LRRTM4: variants seen among roughly 807,000 people sequenced by gnomAD.
LRRTM4 encodes the protein leucine rich repeat transmembrane neuronal 4.
Under a neutral mutation model 47.6 loss-of-function variants are expected in LRRTM4, and 25 were observed. The observed-to-expected ratio is 0.53, with a 90% CI of 0.38 to 0.73. The LOEUF (loss-of-function observed/expected upper bound fraction) is 0.73, where lower values mean the gene tolerates loss of function less well. LRRTM4 is among the 30% of genes least tolerant of loss of function. LRRTM4 has a pLI of 0.00. For synonymous variants in LRRTM4, 311 were observed against 269.5 expected, an observed-to-expected ratio of 1.15 and a Z score of -1.51; for missense variants, 638 against 713.4, an observed-to-expected ratio of 0.89 and a Z score of 1.20.
chr2:77,434,265 C>T (rs1465915240), intron 3 of LRRTM4, among the ~76,000 whole-genome samples: 2 of 151,522 alleles, frequency 1.3e-5, no homozygotes, highest in Admixed American at 6.6e-5. Flanking sequence ...AAAAGTTTTC[C>T]ACATGTCAGA....
chr2:77,182,752 T>G (rs1308704976), intron 3 of LRRTM4, among the ~76,000 whole-genome samples: 1 of 152,090 alleles, frequency 6.6e-6, no homozygotes, highest in African/African-American at 2.4e-5. Flanking sequence ...CTTGCGCCAG[T>G]TTTCAAAGGG....
chr2:77,320,991 A>T (rs532399935), intron 3 of LRRTM4, among the ~76,000 whole-genome samples: 46 of 152,256 alleles, frequency 3.0e-4, no homozygotes, highest in African/African-American at 1.1e-3. Context: ...GCAAGTACAC[A>T]TGTTAATAAG....
At chr2:76,758,920 A>C (rs1179779855) in intron 3 of LRRTM4, among the ~76,000 whole-genome samples, 1 of 152,216 alleles carries the variant, frequency 6.6e-6, no homozygotes, top group African/African-American at 2.4e-5. Flanking sequence ...ATCATGAGAG[A>C]ATAGGCTTGA....
intron 3 of LRRTM4, among the ~76,000 whole-genome samples, chr2:76,942,178 G>GT (rs1675167808): frequency 6.6e-6 from 1 of 151,664 alleles, no homozygotes; most frequent in Admixed American, 6.6e-5. Flanking sequence ...TTGTAAATTT[G>GT]TTTAAGTTCC....
chr2:76,853,767 G>A (rs78119236), intron 3 of LRRTM4, among the ~76,000 whole-genome samples: 14,893 of 152,036 alleles, frequency 0.098, 1,253 homozygotes, highest in East Asian at 0.41. Context: ...ATTTTCCAGA[G>A]GGCAAAGAAA....
chr2:76,841,665 A>G (rs1056760135), intron 3 of LRRTM4, among the ~76,000 whole-genome samples: 5 of 138,170 alleles, frequency 3.6e-5, no homozygotes, highest in South Asian at 2.2e-4. Context: ...TAACCTGGAG[A>G]AAAAAAAAAA....
At chr2:77,068,454 T>C (rs1680034507) in intron 3 of LRRTM4, among the ~76,000 whole-genome samples, 1 of 152,196 alleles carries the variant, frequency 6.6e-6, no homozygotes. Context: ...CTAGCATTCA[T>C]TTCTCATGCT....
intron 3 of LRRTM4, among the ~76,000 whole-genome samples, chr2:77,265,731 A>T (rs1227283008): frequency 6.6e-6 from 1 of 152,300 alleles, no homozygotes; most frequent in East Asian, 1.9e-4. Flanking sequence ...AATCTTGAGA[A>T]AATGCTTTTC....
intron 3 of LRRTM4, among the ~76,000 whole-genome samples, chr2:77,128,399 TA>T (rs1415778910): frequency 2.5e-5 from 3 of 119,128 alleles, no homozygotes; most frequent in Non-Finnish European, 4.8e-5. Context: ...CTGTAACAGA[TA>T]GATAGATAGA....
At chr2:76,993,090 C>A (rs781509626) in intron 3 of LRRTM4, among the ~76,000 whole-genome samples, 55 of 151,748 alleles carry the variant, frequency 3.6e-4, no homozygotes, top group Non-Finnish European at 6.2e-4. Flanking sequence ...TAAAACTGGA[C>A]CCTTACCTTT....
intron 3 of LRRTM4, among the ~76,000 whole-genome samples, chr2:77,381,780 T>C (rs1423407984): frequency 6.6e-6 from 1 of 152,042 alleles, no homozygotes; most frequent in Non-Finnish European, 1.5e-5. Flanking sequence ...ATATTTATTC[T>C]ACAGCTACAC....
chr2:77,018,266 T>C (rs1017688121), intron 3 of LRRTM4, among the ~76,000 whole-genome samples: 2 of 143,460 alleles, frequency 1.4e-5, no homozygotes, highest in Non-Finnish European at 3.0e-5. Context: ...TTGCTTTTTT[T>C]TTTTTTTTTT....
At position 77,116,821 on chromosome 2, in the gene LRRTM4, T is replaced by C. The variant is rs79461399; in HGVS notation, c.1552-367905A>G. ...AATCAATATTTTTACATATATAATT[T>C]GTCCATTTCAAGTAAGAAGTGTACA... On this transcript the variant is annotated intron_variant, in intron 3 of 3. Coordinates refer to ENST00000409884, the MANE Select transcript of LRRTM4 (RefSeq NM_001134745.3). Among the ~76,000 whole-genome samples, 211 of 152,282 alleles carry C rather than the reference T, an allele frequency of 1.4e-3. 1 individual carries two copies. Among genetic ancestry groups the C allele is most frequent in the African/African-American group, 4.9e-3 (203 of 41,568 alleles).
chr2:76,912,656 T>C (rs996868842), intron 3 of LRRTM4, among the ~76,000 whole-genome samples: 2 of 152,220 alleles, frequency 1.3e-5, no homozygotes, highest in African/African-American at 2.4e-5. Context: ...TCATGAAGAA[T>C]TGTAATCCCC....
rs1354572502 is a variant in LRRTM4 at position 76,905,108 on chromosome 2, G to GGTA, written c.1552-156193_1552-156192insTAC. 2.0e-5 allele frequency among the ~76,000 whole-genome samples: 3 copies of GGTA among 152,122 alleles called. No homozygotes were observed. The East Asian group carries it at 5.8e-4, about 29-fold the overall frequency. On this transcript the variant is annotated intron_variant, in intron 3 of 3. Transcript: ENST00000409884. ...AACTAGGAGGCACCCCCCAGTAGGG[G>GGTA]CAGACTGACACCTCACATGGCCGGG...
intron 3 of LRRTM4, among the ~76,000 whole-genome samples, chr2:76,943,346 G>C (rs1675215684): frequency 6.6e-6 from 1 of 152,180 alleles, no homozygotes; most frequent in South Asian, 2.1e-4. Flanking sequence ...TGAGGCAGGA[G>C]AATAGCGTGA....
At chr2:76,864,682 T>C (rs1573228517) in intron 3 of LRRTM4, among the ~76,000 whole-genome samples, 1 of 149,014 alleles carries the variant, frequency 6.7e-6, no homozygotes, top group Admixed American at 6.7e-5. Context: ...AAAAATGAAG[T>C]GATCTTAGCA....
At chr2:76,974,713 TC>T (rs1270751834) in intron 3 of LRRTM4, among the ~76,000 whole-genome samples, 2 of 151,702 alleles carry the variant, frequency 1.3e-5, no homozygotes, top group Non-Finnish European at 3.0e-5. Context: ...GAGAATTAAT[TC>T]AAATAAATAT....
At chr2:76,912,273 C>T (rs1573303271) in intron 3 of LRRTM4, among the ~76,000 whole-genome samples, 1 of 152,152 alleles carries the variant, frequency 6.6e-6, no homozygotes, top group East Asian at 1.9e-4. Context: ...ACATTATATA[C>T]AAATTTTATA....
Sources: allele counts gnomAD v4.1 joint callset (sites outside exome capture counted in the v4.1 genomes callset), GRCh38; gene constraint gnomAD v4.1.1; transcripts MANE v1.5; gene names NCBI Gene and HGNC (gene_info 2026-07-23, HGNC 2026-07-21).